SMAGP: variants seen among roughly 807,000 people sequenced by gnomAD.
The protein encoded by SMAGP is small cell adhesion glycoprotein, also known as small cell transmembrane and glycosylated protein.
In SMAGP, 7 loss-of-function variants were observed where a neutral mutation model predicts 10.1. The ratio of observed to expected loss-of-function variants is 0.70; its 90% CI spans 0.40 to 1.31. The LOEUF (loss-of-function observed/expected upper bound fraction) is 1.31. Ranked by LOEUF, SMAGP falls within the 50% of genes most tolerant of loss-of-function variation. The pLI is 0.01. For missense variants in SMAGP, 113 were observed against 116.5 expected (o/e 0.97, Z 0.14); for synonymous variants, 49 against 47.2 (o/e 1.04, Z -0.16).
intron 2 of SMAGP, among the ~76,000 whole-genome samples, chr12:51,262,596 T>G (rs1049753424): frequency 6.6e-6 from 1 of 152,196 alleles, no homozygotes; most frequent in East Asian, 1.9e-4. Context: ...ACCCCATTTT[T>G]TTGTCCAAAC....
At chr12:51,252,500 T>TC (rs1318580007) in intron 2 of SMAGP, among the ~76,000 whole-genome samples, 1 of 151,944 alleles carries the variant, frequency 6.6e-6, no homozygotes, top group Non-Finnish European at 1.5e-5. Context: ...CAAGCAATTC[T>TC]CCTGCCTCAG....
chr12:51,246,320 G>A, intron 3 of SMAGP: 1 of 668,798 alleles, frequency 1.5e-6, no homozygotes, highest in African/African-American at 1.8e-5. Context: ...TGGTGCTTAA[G>A]CTAAGGACAC....
chr12:51,260,206 CTTTTTTTTTT>C (rs1274632737), intron 2 of SMAGP, among the ~76,000 whole-genome samples: 1 of 104,916 alleles, frequency 9.5e-6, no homozygotes, highest in Non-Finnish European at 2.0e-5. Context: ...GTCATGGTTT[CTTTTTTTTTT>C]TTTTTTTTTT....
chr12:51,246,160 G>T, intron 3 of SMAGP, 41 bp from the exon 4 acceptor site: 1 of 1,607,938 alleles, frequency 6.2e-7, no homozygotes, highest in Non-Finnish European at 8.5e-7. Context: ...TTTCAGGATT[G>T]AGGATGTCTC....
In SMAGP at chr12:51,255,078, C is replaced by T. The variant is rs768378530; in HGVS notation, c.35-8247G>A. ...TGAGACAGGGCCTCAGTCTGTCCTC[C>T]AGGCTGGAGTGCCATGGTATGATCA... On this transcript the variant is annotated intron_variant, in intron 2 of 3. Coordinates refer to ENST00000603798, the MANE Select transcript of SMAGP (RefSeq NM_001031628.2). Among the ~76,000 whole-genome samples, 3 of 152,164 alleles carry T rather than the reference C, an allele frequency of 2.0e-5. No homozygotes were observed. The East Asian group carries it at 5.8e-4, about 29-fold the overall frequency.
intron 2 of SMAGP, among the ~76,000 whole-genome samples, chr12:51,253,397 G>C (rs568590162): frequency 6.6e-6 from 1 of 152,130 alleles, no homozygotes; most frequent in African/African-American, 2.4e-5. Context: ...TCATTGCTGG[G>C]TGGGTATGAT....
At chr12:51,257,119 T>C (rs1225245044) in intron 2 of SMAGP, among the ~76,000 whole-genome samples, 2 of 152,124 alleles carry the variant, frequency 1.3e-5, no homozygotes, top group African/African-American at 4.8e-5. Flanking sequence ...AGGCTGTGAC[T>C]GGAGGGGAAA....
At chr12:51,248,635 TC>T (rs763644327) in intron 2 of SMAGP, among the ~76,000 whole-genome samples, 1 of 152,068 alleles carries the variant, frequency 6.6e-6, no homozygotes, top group Non-Finnish European at 1.5e-5. Context: ...ACTCTAATCT[TC>T]CTCTGCCTTT....
chr12:51,248,756 C>T (rs571212847), intron 2 of SMAGP, among the ~76,000 whole-genome samples: 3 of 152,042 alleles, frequency 2.0e-5, no homozygotes, highest in South Asian at 2.1e-4. Flanking sequence ...AGAAAGCTTC[C>T]GCATAGTTGA....
At chr12:51,256,656 G>A (rs1431365130) in intron 2 of SMAGP, among the ~76,000 whole-genome samples, 1 of 151,890 alleles carries the variant, frequency 6.6e-6, no homozygotes, top group Non-Finnish European at 1.5e-5. Context: ...GGAGGCGGAG[G>A]TTGCGGCGAG....
Position 51,246,785 on chromosome 12 carries a change from G to T in SMAGP, c.81C>A (p.Ser27=). 6.3e-7 allele frequency: 1 copy of T among 1,586,114 alleles called. No individual in the cohort carries two copies. Among genetic ancestry groups the T allele is most frequent in the East Asian group, 2.3e-5 (1 of 43,290 alleles). The change falls in exon 3 of 4, where the codon TCC becomes TCA. Residue 27 remains serine (S), a synonymous_variant. Coordinates refer to ENST00000603798, the MANE Select transcript of SMAGP (RefSeq NM_001031628.2). ...GTGCTGTGCTGGCTCCATCTTCTGG[G>T]GACAGGGCCTCAGTGGGCTGTAAAA... is the stretch of plus-strand genomic sequence containing the variant. ...TPILQPTEAL[S]PEDGASTALI...
At chr12:51,261,199 G>T (rs1021658071) in intron 2 of SMAGP, among the ~76,000 whole-genome samples, 1 of 148,384 alleles carries the variant, frequency 6.7e-6, no homozygotes, top group African/African-American at 2.5e-5. Context: ...AGGTTCAAGC[G>T]ATTCTCCTGC....
chr12:51,259,837 C>T (rs1944916530), intron 2 of SMAGP, among the ~76,000 whole-genome samples: 1 of 152,128 alleles, frequency 6.6e-6, no homozygotes, highest in South Asian at 2.1e-4. Context: ...CCTCAGCCTC[C>T]TGAGTAGCTG....
chr12:51,247,571 C>T (rs1028504617), intron 2 of SMAGP, among the ~76,000 whole-genome samples: 9 of 152,090 alleles, frequency 5.9e-5, no homozygotes, highest in African/African-American at 2.2e-4. Context: ...TGAGTGGTCT[C>T]CAGAAGTCCC....
At chr12:51,265,660 C>G (rs531106730) in intron 2 of SMAGP, among the ~76,000 whole-genome samples, 1 of 152,248 alleles carries the variant, frequency 6.6e-6, no homozygotes, top group Admixed American at 6.5e-5. Context: ...CTAGAGCAGT[C>G]AAATTTACAT....
In SMAGP at chr12:51,265,459, A is replaced by G. The variant is rs77456180; in HGVS notation, c.34+3786T>C. ...TCAGTCACAATAGCCAAAAGGTGGA[A>G]GCAACTCAACTGTCCATCATAGATG... On this transcript the variant is annotated intron_variant, in intron 2 of 3. Transcript: ENST00000603798. Among the ~76,000 whole-genome samples, 17 of 152,354 alleles carry G rather than the reference A, an allele frequency of 1.1e-4. No individual in the cohort carries two copies. In the East Asian group the frequency reaches 2.1e-3, roughly 19 times the overall value.
At chr12:51,252,987 T>C (rs1253382026) in intron 2 of SMAGP, among the ~76,000 whole-genome samples, 1 of 152,036 alleles carries the variant, frequency 6.6e-6, no homozygotes, top group Non-Finnish European at 1.5e-5. Context: ...GGGATTTCTG[T>C]TGGTGACATA....
In SMAGP at chr12:51,254,956, G is replaced by T. The variant is rs77135460; in HGVS notation, c.35-8125C>A. Among the ~76,000 whole-genome samples, 760 of 152,346 alleles carry T rather than the reference G, an allele frequency of 5.0e-3. 28 individuals are homozygous for T. The East Asian group carries it at 0.1, about 21-fold the overall frequency. On this transcript the variant is annotated intron_variant, in intron 2 of 3. Transcript: ENST00000603798. ...TACAACACAGGCCTTGTAGGCCAAG[G>T]TAAGGGCTTTTTCAGGGAGTGAGGT...
At chr12:51,264,831 T>C (rs572994145) in intron 2 of SMAGP, among the ~76,000 whole-genome samples, 15 of 148,488 alleles carry the variant, frequency 1.0e-4, no homozygotes, top group African/African-American at 3.7e-4. Context: ...ACTCAGGAGG[T>C]TGAGGCAGGA....
Sources: gnomAD v4.1 joint callset for allele counts (sites outside exome capture counted in the v4.1 genomes callset) on GRCh38, gnomAD v4.1.1 for gene constraint, MANE v1.5 for transcripts, NCBI Gene and HGNC (gene_info 2026-07-23, HGNC 2026-07-21) for gene names.